BCHE: variants seen among roughly 807,000 people sequenced by gnomAD.
The protein encoded by BCHE is butyrylcholinesterase.
A neutral mutation model predicts 51.3 loss-of-function variants in BCHE; 48 were observed. That is an observed-to-expected ratio of 0.94 (90% CI 0.74 to 1.19). BCHE has a LOEUF of 1.19. Ranked by LOEUF, BCHE falls within the 50% of genes most tolerant of loss-of-function variation. The pLI, the probability that BCHE is intolerant of heterozygous loss-of-function variation, is 0.00. For missense variants in BCHE, 847 were observed against 708.2 expected (o/e 1.20, Z -2.23); for synonymous variants, 251 against 238.0 (o/e 1.05, Z -0.50).
intron 3 of BCHE, among the ~76,000 whole-genome samples, chr3:165,774,916 T>C (rs1231508729): frequency 6.6e-6 from 1 of 151,588 alleles, no homozygotes; most frequent in Non-Finnish European, 1.5e-5. Context: ...TAAAAACTAT[T>C]AAATTACAAT....
chr3:165,825,625 A>G (rs1478036279), intron 2 of BCHE, among the ~76,000 whole-genome samples: 1 of 152,032 alleles, frequency 6.6e-6, no homozygotes, highest in East Asian at 1.9e-4. Context: ...ACATGTATAC[A>G]TGTGCCGTGT....
At position 165,773,387 on chromosome 3, in the gene BCHE, GACCC is replaced by G. The variant is rs1712331068; in HGVS notation, c.1800_1803del (p.Gly601SerfsTer3). 6.2e-7 allele frequency: 1 copy of G among 1,610,458 alleles called. No homozygotes were observed. Among genetic ancestry groups the G allele is most frequent in the Admixed American group, 1.7e-5 (1 of 59,866 alleles). ...ATAAAGGGTAAATCTATTAATTAGA[GACCC>G]ACACAACTTTCTTTCTTGCTAGTGT... On this transcript the variant is annotated frameshift_variant, in exon 4 of 4. Coordinates refer to ENST00000264381, the MANE Select transcript of BCHE (RefSeq NM_000055.4). LOFTEE classifies it high-confidence loss of function.
chr3:165,792,419 A>T (rs1202621289), intron 2 of BCHE, among the ~76,000 whole-genome samples: 1 of 152,210 alleles, frequency 6.6e-6, no homozygotes, highest in Admixed American at 6.5e-5. Context: ...TATGCTAATA[A>T]AATAAAGTGC....
At chr3:165,803,435 TA>T (rs571817747) in intron 2 of BCHE, among the ~76,000 whole-genome samples, 23 of 152,032 alleles carry the variant, frequency 1.5e-4, no homozygotes, top group African/African-American at 5.3e-4. Flanking sequence ...TATGCACTTC[TA>T]AAAAAAATAA....
At chr3:165,787,737 C>T (rs4680661) in intron 2 of BCHE, among the ~76,000 whole-genome samples, 143,850 of 152,020 alleles carry the variant, frequency 0.95, 68,134 homozygotes, top group Non-Finnish European at 0.97. Flanking sequence ...CTTAGGATAT[C>T]AGTGTTGTCA....
rs537314243 is a variant in BCHE, at chr3:165,830,458, C to A, written c.576G>T (p.Gly192=). The change falls in exon 2 of 4, where the codon GGG becomes GGT. Residue 192 remains glycine (G), a synonymous_variant. Transcript: ENST00000264381. The part of the protein sequence containing the change: ...LALPGNPEAP[G]NMGLFDQQLA... ...ACTGTTGATCAAATAAACCCATGTTCCCTGGAGCCTCAGGATTTCCTGGCA... is the reference window on the plus strand; with the variant it reads ...ACTGTTGATCAAATAAACCCATGTTACCTGGAGCCTCAGGATTTCCTGGCA... 2.5e-6 allele frequency: 4 copies of A among 1,613,728 alleles called. No individual in the cohort carries two copies. The highest frequency in any genetic ancestry group is 1.1e-5 in the South Asian group (1 of 91,080).
intron 2 of BCHE, among the ~76,000 whole-genome samples, chr3:165,806,620 C>T (rs1713877716): frequency 6.6e-6 from 1 of 151,966 alleles, no homozygotes; most frequent in Non-Finnish European, 1.5e-5. Flanking sequence ...TGTGAGGTAA[C>T]ATTTAATATA....
Position 165,829,884 on chromosome 3 carries a change from T to C in BCHE, c.1150A>G (p.Ile384Val), listed in dbSNP as rs146936556. ...AACTCACTCACTCCTGGAAAAAATA[T>C]TTTTAAACCTTCCTGAAATTCTTTT... The part of the protein sequence containing the change: ...TRKEFQEGLK[I>V]FFPGVSEFGK... Residue 384 changes from isoleucine to valine, a missense_variant, in exon 2 of 4, where the codon ATA (isoleucine) becomes GTA (valine). By Grantham distance (29) the Ile-to-Val change is conservative (BLOSUM62 3). Coordinates refer to ENST00000264381, the MANE Select transcript of BCHE (RefSeq NM_000055.4). 852 of 1,611,358 alleles carry C rather than the reference T, an allele frequency of 5.3e-4. No individual in the cohort carries two copies. Among genetic ancestry groups the C allele is most frequent in the Admixed American group, 1.6e-3 (92 of 59,352 alleles).
chr3:165,801,440 C>T (rs1480173607), intron 2 of BCHE, among the ~76,000 whole-genome samples: 1 of 152,112 alleles, frequency 6.6e-6, no homozygotes, highest in East Asian at 1.9e-4. Context: ...AAATGTTATA[C>T]TGCTTTACAA....
Position 165,830,809 on chromosome 3 carries a change from CTG to C in BCHE, c.223_224del (p.Gln75ValfsTer7), listed in dbSNP as rs1276780397. 1.2e-6 allele frequency: 2 copies of C among 1,613,864 alleles called. No homozygotes were observed. Among genetic ancestry groups the C allele is most frequent in the South Asian group, 1.1e-5 (1 of 91,078 alleles). Reference protein sequence around the residue: ...PLGRLRFKKPQSLTKWSDIWN... With the variant: ...PLGRLRFKKPXSLTKWSDIWN... ...AAATATCAGACCACTTGGTCAGAGA[CTG>C]TGGCTTTTTGAATCGAAGTCTACCA... is the stretch of plus-strand genomic sequence containing the variant. On this transcript the variant is annotated frameshift_variant, in exon 2 of 4. Coordinates refer to ENST00000264381, the MANE Select transcript of BCHE (RefSeq NM_000055.4). LOFTEE classifies it high-confidence loss of function.
chr3:165,793,100 C>G (rs1014444711), intron 2 of BCHE, among the ~76,000 whole-genome samples: 1 of 152,116 alleles, frequency 6.6e-6, no homozygotes, highest in African/African-American at 2.4e-5. Flanking sequence ...AACATCTTTG[C>G]CTACATCAAT....
At chr3:165,802,538 A>C (rs758533968) in intron 2 of BCHE, among the ~76,000 whole-genome samples, 1 of 151,940 alleles carries the variant, frequency 6.6e-6, no homozygotes, top group African/African-American at 2.4e-5. Flanking sequence ...TGAAAATGAG[A>C]CCTAAGTTAC....
At chr3:165,788,643 T>C (rs1713052830) in intron 2 of BCHE, among the ~76,000 whole-genome samples, 1 of 152,152 alleles carries the variant, frequency 6.6e-6, no homozygotes, top group African/African-American at 2.4e-5. Flanking sequence ...AGTTTTCTTC[T>C]AATTCTGCTC....
intron 2 of BCHE, among the ~76,000 whole-genome samples, chr3:165,813,506 A>G (rs1360403656): frequency 6.6e-6 from 1 of 151,766 alleles, no homozygotes; most frequent in African/African-American, 2.4e-5. Context: ...TTTACAAAAT[A>G]ATATTTATTC....
chr3:165,830,232 T>C lies in BCHE; in HGVS notation c.802A>G (p.Arg268Gly), dbSNP rs1257462777. The C allele has an allele frequency of 1.9e-6, 3 of 1,613,918 alleles. No individual in the cohort carries two copies. Among genetic ancestry groups the C allele is most frequent in the Non-Finnish European group, 2.5e-6 (3 of 1,179,934 alleles). The stretch of plus-strand genomic sequence containing the variant: ...TTAGCTAAGTTCAACGTTCTGTTCC[T>C]AGCTTCATAAAGAGATGTTACCGCC... ...PWAVTSLYEA[R>G]NRTLNLAKLT... Residue 268 changes from arginine (R) to glycine (G), a missense_variant, in exon 2 of 4, where the codon AGG becomes GGG. Transcript: ENST00000264381.
intron 2 of BCHE, among the ~76,000 whole-genome samples, chr3:165,812,646 A>T (rs56950115): frequency 0.096 from 14,644 of 152,006 alleles, 769 homozygotes; most frequent in Admixed American, 0.14. Flanking sequence ...AATATTTTAC[A>T]TAAAAATTTC....
intron 1 of BCHE, among the ~76,000 whole-genome samples, chr3:165,831,378 A>G (rs1714982576): frequency 6.6e-6 from 1 of 152,186 alleles, no homozygotes; most frequent in African/African-American, 2.4e-5. Context: ...CTCCACCAAA[A>G]AAGCAGTAAA....
intron 3 of BCHE, among the ~76,000 whole-genome samples, chr3:165,776,964 T>C (rs1712496133): frequency 6.6e-6 from 1 of 151,530 alleles, no homozygotes; most frequent in South Asian, 2.1e-4. Flanking sequence ...TAAAATACGG[T>C]AATATAGAGA....
chr3:165,778,206 C>T (rs900412431), intron 3 of BCHE: 1 of 152,138 alleles, frequency 6.6e-6, no homozygotes, highest in Non-Finnish European at 1.5e-5. Flanking sequence ...CAAGAAAAAG[C>T]CAGTTTACAA....
Sources: gnomAD v4.1 joint callset for allele counts (sites outside exome capture counted in the v4.1 genomes callset) on GRCh38, gnomAD v4.1.1 for gene constraint, MANE v1.5 for transcripts, NCBI Gene and HGNC (gene_info 2026-07-23, HGNC 2026-07-21) for gene names.